SMPD3: variants seen among roughly 807,000 people sequenced by gnomAD.
SMPD3 encodes sphingomyelin phosphodiesterase 3, also known as nSMase-2.
In SMPD3, 21 loss-of-function variants were observed where a neutral mutation model predicts 55.7. That is an observed-to-expected ratio of 0.38 (90% CI 0.27 to 0.54). The LOEUF (loss-of-function observed/expected upper bound fraction) is 0.54. Ranked by LOEUF, SMPD3 falls within the 20% of genes least tolerant of loss-of-function variation. SMPD3 has a pLI of 0.80. For missense variants in SMPD3, 842 were observed against 899.6 expected, an observed-to-expected ratio of 0.94 and a Z score of 0.82; for synonymous variants, 457 against 404.3, an observed-to-expected ratio of 1.13 and a Z score of -1.56.
At chr16:68,419,211 A>G (rs761894897) in intron 1 of SMPD3, among the ~76,000 whole-genome samples, 1 of 152,208 alleles carries the variant, frequency 6.6e-6, no homozygotes, top group Non-Finnish European at 1.5e-5. Context: ...TCTTGGAGGA[A>G]GCTGCCCAGA....
intron 2 of SMPD3, among the ~76,000 whole-genome samples, chr16:68,376,368 G>A (rs2089815039): frequency 6.6e-6 from 1 of 152,218 alleles, no homozygotes; most frequent in Admixed American, 6.5e-5. Context: ...GCCAGAGTCT[G>A]TCTCCAGGTG....
At chr16:68,418,139 G>A (rs916736763) in intron 1 of SMPD3, among the ~76,000 whole-genome samples, 2 of 152,110 alleles carry the variant, frequency 1.3e-5, no homozygotes, top group African/African-American at 2.4e-5. Flanking sequence ...TGTCAGCCAA[G>A]GTGCATTTCT....
intron 8 of SMPD3, 102 bp from the exon 9 acceptor site, chr16:68,361,409 T>G (rs542400279): frequency 1.2e-5 from 17 of 1,391,698 alleles, no homozygotes; most frequent in Non-Finnish European, 1.6e-5. Context: ...GGGGCTGGGG[T>G]GGGCTGGGAC....
chr16:68,364,925 G>C lies in SMPD3; in HGVS notation c.1400-19C>G. 1.2e-6 allele frequency: 2 copies of C among 1,613,058 alleles called. No individual in the cohort carries two copies. The highest frequency in any genetic ancestry group is 1.7e-6 in the Non-Finnish European group (2 of 1,179,292). Reference sequence around the variant, plus strand: ...CTGTCCTCTGCAGGGCAGAAGTACAGAGACTGGATGATGAAGTTCGCCCCA... The same window carrying C: ...CTGTCCTCTGCAGGGCAGAAGTACACAGACTGGATGATGAAGTTCGCCCCA... On this transcript the variant is annotated intron_variant, in intron 4 of 8. Coordinates refer to ENST00000219334, the MANE Select transcript of SMPD3 (RefSeq NM_018667.4).
At chr16:68,363,456 A>G (rs1396217565) in intron 7 of SMPD3, 40 bp downstream of exon 7, 1 of 1,611,092 alleles carries the variant, frequency 6.2e-7, no homozygotes, top group African/African-American at 1.3e-5. Context: ...CACCTTAGTC[A>G]GGGTGTGCCT....
chr16:68,381,141 C>A (rs913123313), intron 2 of SMPD3, among the ~76,000 whole-genome samples: 12 of 152,208 alleles, frequency 7.9e-5, no homozygotes, highest in African/African-American at 2.4e-4. Context: ...CCCTCCCAGG[C>A]GGCTGGGCTT....
At chr16:68,382,970 G>A (rs142628062) in intron 2 of SMPD3, among the ~76,000 whole-genome samples, 235 of 152,200 alleles carry the variant, frequency 1.5e-3, no homozygotes, top group African/African-American at 5.5e-3. Context: ...TCGGCCTCCC[G>A]AGTATCTGGG....
At position 68,371,870 on chromosome 16, in the gene SMPD3, G is replaced by A. The variant is rs1313044363; in HGVS notation, c.312C>T (p.Gly104=). 1 of 1,607,824 alleles carries A rather than the reference G, an allele frequency of 6.2e-7. No individual in the cohort carries two copies. The highest frequency in any genetic ancestry group is 8.5e-7 in the Non-Finnish European group (1 of 1,178,294). Residue 104 remains glycine, a synonymous_variant, in exon 3 of 9, where the codon GGC becomes GGT. Coordinates refer to ENST00000219334, the MANE Select transcript of SMPD3 (RefSeq NM_018667.4). The stretch of plus-strand genomic sequence containing the variant: ...TGAGCAGGGCTGCCCCACCGGCCAG[G>A]CCCTTGTCTTCCAGCCGTGAATAGA... ...PYIYSRLEDK[G]LAGGAALLSE...
chr16:68,444,963 C>A (rs2090599007), intron 1 of SMPD3, among the ~76,000 whole-genome samples: 1 of 152,224 alleles, frequency 6.6e-6, no homozygotes. Flanking sequence ...ACCTTCTTTC[C>A]TTTGCAGAGC....
intron 1 of SMPD3, among the ~76,000 whole-genome samples, chr16:68,398,483 C>T (rs970521878): frequency 3.3e-5 from 5 of 152,220 alleles, no homozygotes; most frequent in East Asian, 3.9e-4. Flanking sequence ...CTGAGGTGGC[C>T]GAGCTGGAGT....
intron 3 of SMPD3, among the ~76,000 whole-genome samples, chr16:68,367,007 CAAAAAA>C (rs35797796): frequency 7.7e-6 from 1 of 129,512 alleles, no homozygotes; most frequent in African/African-American, 2.9e-5. Context: ...GACTCTGTCT[CAAAAAA>C]AAAAAAAAAA....
chr16:68,379,018 G>A (rs953469994), intron 2 of SMPD3, among the ~76,000 whole-genome samples: 1 of 152,202 alleles, frequency 6.6e-6, no homozygotes, highest in Non-Finnish European at 1.5e-5. Context: ...CCTTTTCCTT[G>A]CTCTAGTCCC....
At chr16:68,426,691 G>A (rs2090438615) in intron 1 of SMPD3, among the ~76,000 whole-genome samples, 3 of 152,156 alleles carry the variant, frequency 2.0e-5, no homozygotes, top group African/African-American at 7.2e-5. Flanking sequence ...ATGTACATTC[G>A]TCATTGCTGT....
rs141291806 is a variant in SMPD3 at position 68,371,425 on chromosome 16, C to T, written c.757G>A (p.Gly253Ser). The T allele has an allele frequency of 1.1e-5, 17 of 1,573,150 alleles. No individual in the cohort carries two copies. Among genetic ancestry groups the T allele is most frequent in the Admixed American group, 1.8e-5 (1 of 55,526 alleles). The change falls in exon 3 of 9, where the codon GGC becomes AGC. Residue 253 changes from glycine to serine, a missense_variant. This residue lies in a region of SMPD3 where 649 missense variants were observed against 643.6 expected (regional missense o/e 1.01). Coordinates refer to ENST00000219334, the MANE Select transcript of SMPD3 (RefSeq NM_018667.4). ...GGGTCGTCAGCTTCAGGTGGCCGGC[C>T]GCCCTCCTCGCCACCGATGCGCACG... is the stretch of plus-strand genomic sequence containing the variant. ...CIVRIGGEEG[G>S]RPPEADDPVP...
intron 1 of SMPD3, among the ~76,000 whole-genome samples, chr16:68,403,846 G>A (rs1033385895): frequency 1.3e-5 from 2 of 152,140 alleles, no homozygotes; most frequent in South Asian, 2.1e-4. Flanking sequence ...CCACTCTTGC[G>A]TGACAGCACT....
intron 2 of SMPD3, among the ~76,000 whole-genome samples, chr16:68,380,921 C>T (rs746416056): frequency 6.6e-6 from 1 of 152,226 alleles, no homozygotes; most frequent in Non-Finnish European, 1.5e-5. Flanking sequence ...CATTTCAAGG[C>T]ACCAGAGAAC....
intron 1 of SMPD3, among the ~76,000 whole-genome samples, chr16:68,429,424 C>T (rs926133677): frequency 5.9e-5 from 9 of 152,366 alleles, no homozygotes; most frequent in African/African-American, 2.2e-4. Context: ...AACCTTGGTG[C>T]TGGGCTGGAT....
intron 1 of SMPD3, among the ~76,000 whole-genome samples, chr16:68,415,020 C>T (rs908443288): frequency 1.1e-4 from 17 of 152,060 alleles, no homozygotes; most frequent in Admixed American, 1.3e-4. Flanking sequence ...TGGGTTTGGG[C>T]ATCTATGATG....
At position 68,387,616 on chromosome 16, in the gene SMPD3, A is replaced by T. The variant is rs989966660; in HGVS notation, c.-268-957T>A. ...GGCTCCGGGGCCCGCCCCCTGTCTCAGGCCCAGTCTCTGCTTTCAAGTTCA... is the reference window on the plus strand; with the variant it reads ...GGCTCCGGGGCCCGCCCCCTGTCTCTGGCCCAGTCTCTGCTTTCAAGTTCA... On this transcript the variant is annotated intron_variant, in intron 1 of 8. Transcript: ENST00000219334. 3.6e-4 allele frequency among the ~76,000 whole-genome samples: 55 copies of T among 152,270 alleles called. 1 individual carries two copies. The highest frequency in any genetic ancestry group is 3.4e-3 in the Middle Eastern group (1 of 294).
Sources: allele counts gnomAD v4.1 joint callset (sites outside exome capture counted in the v4.1 genomes callset), GRCh38; gene constraint gnomAD v4.1.1; regional missense constraint gnomAD v4.1.1; transcripts MANE v1.5; gene names NCBI Gene and HGNC (gene_info 2026-07-23, HGNC 2026-07-21).